Variants in GRIP2 observed in about 807,000 individuals in gnomAD.
GRIP2 encodes the protein glutamate receptor interacting protein 2.
A neutral mutation model predicts 108.3 loss-of-function variants in GRIP2; 58 were observed. The ratio of observed to expected loss-of-function variants is 0.54; its 90% CI spans 0.43 to 0.67. GRIP2 has a LOEUF of 0.67. GRIP2 is among the 30% of genes least tolerant of loss of function. The pLI, the probability that GRIP2 is intolerant of heterozygous loss-of-function variation, is 0.00. For synonymous variants in GRIP2, 586 were observed against 598.2 expected, an observed-to-expected ratio of 0.98 and a Z score of 0.30; for missense variants, 1,278 against 1,430.6, an observed-to-expected ratio of 0.89 and a Z score of 1.72.
chr3:14,555,310 A>C (rs1695219264), intron 1 of GRIP2, among the ~76,000 whole-genome samples: 1 of 145,564 alleles, frequency 6.9e-6, no homozygotes, highest in African/African-American at 2.5e-5. Flanking sequence ...AGGCAACCCC[A>C]GCCCATCTGG....
chr3:14,509,696 A>G (rs1323206131), intron 17 of GRIP2, 124 bp downstream of exon 17: 7 of 1,014,176 alleles, frequency 6.9e-6, no homozygotes, highest in Non-Finnish European at 6.6e-6. Flanking sequence ...TGACTGGCCC[A>G]ATGTCACCCA....
the GRIP2 span, among the ~76,000 whole-genome samples, chr3:14,598,054 A>G: frequency 1.3e-5 from 2 of 152,204 alleles, no homozygotes; most frequent in African/African-American, 4.8e-5. Flanking sequence ...TTAGCTCCAG[A>G]TGCCGCTTTG....
chr3:14,496,357 A>G, intron 22 of GRIP2, 60 bp downstream of exon 22: 1 of 1,458,524 alleles, frequency 6.9e-7, no homozygotes, highest in Non-Finnish European at 9.3e-7. Context: ...GAGTCCCACG[A>G]CAGTGCTCAT....
chr3:14,496,405 C>G lies in GRIP2; in HGVS notation c.2823+12G>C, dbSNP rs774254492. ...CAGGTCCAGGTCTCCTGTGCTCACC[C>G]CCTGTGCCTACCTTGTGCATCTCCA... On this transcript the variant is annotated intron_variant, in intron 22 of 23. Transcript: ENST00000621039. The G allele has an allele frequency of 1.9e-6, 3 of 1,604,392 alleles. No homozygotes were observed. Among genetic ancestry groups the G allele is most frequent in the Non-Finnish European group, 2.6e-6 (3 of 1,174,266 alleles).
At position 14,494,902 on chromosome 3, in the gene GRIP2, C is replaced by T. The variant is rs1485842622; in HGVS notation, c.2911G>A (p.Val971Met). Residue 971 changes from valine to methionine, a missense_variant, in exon 23 of 24, where the codon GTG (valine) becomes ATG (methionine). Coordinates refer to ENST00000621039, the MANE Select transcript of GRIP2 (RefSeq NM_001080423.4). ...LLEKGVYVHTVRPDGPAHRGG... is the reference protein window; with the variant it reads ...LLEKGVYVHTMRPDGPAHRGG... ...CGGTGGGCTGGCCCATCAGGGCGCA[C>T]AGTGTGGACATAGACACCTTTTTCC... The T allele has an allele frequency of 6.2e-7, 1 of 1,613,816 alleles. No homozygotes were observed. Among genetic ancestry groups the T allele is most frequent in the Non-Finnish European group, 8.5e-7 (1 of 1,179,850 alleles).
intron 3 of GRIP2, among the ~76,000 whole-genome samples, chr3:14,525,139 G>A (rs1210357997): frequency 1.3e-5 from 2 of 152,152 alleles, no homozygotes; most frequent in African/African-American, 4.8e-5. Flanking sequence ...GGATGCTGTG[G>A]GGAATAGGCT....
the GRIP2 span, among the ~76,000 whole-genome samples, chr3:14,595,917 T>C: frequency 1.2e-4 from 18 of 152,358 alleles, no homozygotes; most frequent in Admixed American, 1.2e-3. Context: ...GAGCACCTAC[T>C]GCATGCTGGC....
chr3:14,540,153 C>T lies in GRIP2; in HGVS notation c.40+116G>A. 7.5e-7 allele frequency: 1 copy of T among 1,332,762 alleles called. No individual in the cohort carries two copies. Among genetic ancestry groups the T allele is most frequent in the Admixed American group, 2.2e-5 (1 of 45,068 alleles). 82.6% of individuals were successfully genotyped at this position (1,332,762 alleles called of 1,614,324 possible). The stretch of plus-strand genomic sequence containing the variant: ...CCCACCCTCCCCAAGCCCTGGGTCT[C>T]CAGGGAGTGGCAGTCCCAGGTCTCA... On this transcript the variant is annotated intron_variant, in intron 1 of 23. Coordinates refer to ENST00000621039, the MANE Select transcript of GRIP2 (RefSeq NM_001080423.4). The surrounding 1 kb of genome is among the most constrained non-coding windows in gnomAD (Gnocchi z 4.1).
chr3:14,493,679 G>T lies in GRIP2; in HGVS notation c.3118C>A (p.Pro1040Thr). 7 of 1,603,870 alleles carry T rather than the reference G, an allele frequency of 4.4e-6. 1 individual carries two copies. The East Asian group carries it at 1.6e-4, about 36-fold the overall frequency. ...RAPRSPGPSS[P>T]RML ...ACATGCTGACTTCAGAGCATCCGGG[G>T]ACTGCTGGGGCCTGGCGATCGGGGG... The change falls in exon 24 of 24, where the codon CCC becomes ACC. Residue 1040 changes from proline (P) to threonine (T), a missense_variant. Physicochemically the swap from Pro to Thr is conservative, Grantham distance 38. Transcript: ENST00000621039.
At position 14,511,445 on chromosome 3, in the gene GRIP2, G is replaced by A. The variant is rs1047555317; in HGVS notation, c.1755C>T (p.Ile585=). 3 of 1,613,748 alleles carry A rather than the reference G, an allele frequency of 1.9e-6. No homozygotes were observed. Among genetic ancestry groups the A allele is most frequent in the Admixed American group, 1.7e-5 (1 of 60,008 alleles). ...CCACGCTGCCTTTCTTGATGTCGGA[G>A]ATGATCAAGGGCTCCCCTCGTTTCC... ...ASRKRGEPLI[I]SDIKKGSVAH... Residue 585 remains isoleucine, a synonymous_variant, in exon 15 of 24, where the codon ATC becomes ATT. Coordinates refer to ENST00000621039, the MANE Select transcript of GRIP2 (RefSeq NM_001080423.4). The surrounding 1 kb of genome is among the most constrained non-coding windows in gnomAD (Gnocchi z 4.1).
At chr3:14,601,420 C>T in the GRIP2 span, among the ~76,000 whole-genome samples, 4 of 152,116 alleles carry the variant, frequency 2.6e-5, no homozygotes, top group Non-Finnish European at 5.9e-5. Context: ...CAAGACACCG[C>T]CCCCCTCCTT....
At position 14,493,031 on chromosome 3, in the gene GRIP2, C is replaced by T. The variant is rs1701370685; in HGVS notation, c.*634G>A. 6.6e-6 allele frequency: 1 copy of T among 152,268 alleles called. No homozygotes were observed. Among genetic ancestry groups the T allele is most frequent in the African/African-American group, 2.4e-5 (1 of 41,470 alleles). The allele number at this position is 152,268 out of a possible 1,614,324, so 9.4% of individuals were successfully genotyped here. ...CCAGATTCTGGGAATCTCAGAATCT[C>T]AGGACTAGCAAGCCCCAAACCCCTA... On this transcript the variant is annotated 3_prime_UTR_variant, in exon 24 of 24. Transcript: ENST00000621039.
At chr3:14,538,497 G>C (rs1694886961) in intron 1 of GRIP2, among the ~76,000 whole-genome samples, 1 of 152,244 alleles carries the variant, frequency 6.6e-6, no homozygotes, top group African/African-American at 2.4e-5. Flanking sequence ...AAGTGAAGCA[G>C]AGCAAGCTAC....
chr3:14,586,006 C>T, the GRIP2 span, among the ~76,000 whole-genome samples: 1 of 152,170 alleles, frequency 6.6e-6, no homozygotes. Flanking sequence ...AAGCTCTCTG[C>T]CCTTACCCCA....
At chr3:14,594,136 C>T in the GRIP2 span, among the ~76,000 whole-genome samples, 5 of 152,220 alleles carry the variant, frequency 3.3e-5, no homozygotes, top group Admixed American at 6.5e-5. Context: ...TCTCCCCAGC[C>T]CTCAAGTACT....
intron 1 of GRIP2, among the ~76,000 whole-genome samples, chr3:14,533,655 T>C (rs1313572152): frequency 1.3e-5 from 2 of 152,122 alleles, no homozygotes; most frequent in Non-Finnish European, 2.9e-5. Context: ...CGTGGTGCCC[T>C]CCAAGTTTGT....
the GRIP2 span, chr3:14,573,382 TG>T: frequency 7.6e-7 from 1 of 1,319,718 alleles, no homozygotes; most frequent in Non-Finnish European, 1.1e-6. Context: ...TCCCGCGGGA[TG>T]GTCATCTGGA....
upstream of GRIP2, among the ~76,000 whole-genome samples, chr3:14,557,535 ACT>A (rs1695257643): frequency 6.6e-6 from 1 of 151,952 alleles, no homozygotes; most frequent in African/African-American, 2.4e-5. Context: ...CTTTACACAG[ACT>A]CTGCTGAGGG....
chr3:14,497,367 G>T (rs959922935), intron 21 of GRIP2, among the ~76,000 whole-genome samples: 1 of 152,204 alleles, frequency 6.6e-6, no homozygotes, highest in Non-Finnish European at 1.5e-5. Context: ...TGAGGCACTC[G>T]GGAAGTGAGA....
Sources: gnomAD v4.1 joint callset for allele counts (sites outside exome capture counted in the v4.1 genomes callset) on GRCh38, gnomAD v4.1.1 for gene constraint, Gnocchi (gnomAD v3.1) non-coding constraint, MANE v1.5 for transcripts, NCBI Gene and HGNC (gene_info 2026-07-23, HGNC 2026-07-21) for gene names.